The following INPP4B variants were observed in gnomAD, a reference collection of about 807,000 sequenced individuals.
INPP4B encodes the protein inositol polyphosphate 4-phosphatase type II.
A neutral mutation model predicts 122.5 loss-of-function variants in INPP4B; 55 were observed. The ratio of observed to expected loss-of-function variants is 0.45; its 90% CI spans 0.36 to 0.56. The LOEUF is 0.56. Ranked by LOEUF, INPP4B falls within the 20% of genes least tolerant of loss-of-function variation. The probability of loss-of-function intolerance (pLI) is 0.00; values close to 1 mark genes in which losing one functional copy is unlikely to be tolerated. For missense variants in INPP4B, 1,000 were observed against 1,097.7 expected (o/e 0.91, Z 1.26); for synonymous variants, 403 against 388.7 (o/e 1.04, Z -0.43).
At chr4:142,390,710 T>C (rs1797389782) in intron 7 of INPP4B, among the ~76,000 whole-genome samples, 1 of 152,226 alleles carries the variant, frequency 6.6e-6, no homozygotes, top group Non-Finnish European at 1.5e-5. Context: ...AATTCCAATA[T>C]GTCTGAGTAT....
intron 18 of INPP4B, among the ~76,000 whole-genome samples, chr4:142,141,124 A>G (rs1807577520): frequency 6.6e-6 from 1 of 152,210 alleles, no homozygotes; most frequent in Non-Finnish European, 1.5e-5. Flanking sequence ...AATGTAAAGA[A>G]AGAAAAGTAA....
At chr4:142,305,982 C>T (rs1266699694) in intron 8 of INPP4B, 1 of 927,800 alleles carries the variant, frequency 1.1e-6, no homozygotes, top group Non-Finnish European at 1.3e-6. Flanking sequence ...TTATGTGGGA[C>T]TTTGTACAAG....
intron 18 of INPP4B, among the ~76,000 whole-genome samples, chr4:142,142,215 G>A (rs1485735707): frequency 6.6e-6 from 1 of 151,930 alleles, no homozygotes; most frequent in East Asian, 1.9e-4. Context: ...GACTATTGAA[G>A]AAATACATTT....
At chr4:142,133,550 A>T (rs900702587) in intron 18 of INPP4B, among the ~76,000 whole-genome samples, 21 of 152,178 alleles carry the variant, frequency 1.4e-4, no homozygotes, top group African/African-American at 5.1e-4. Flanking sequence ...TTAATATCTA[A>T]GTCAAATCAG....
intron 1 of INPP4B, among the ~76,000 whole-genome samples, chr4:142,830,056 T>A (rs1781936437): frequency 6.6e-6 from 1 of 152,174 alleles, no homozygotes; most frequent in Admixed American, 6.5e-5. Flanking sequence ...TGAAAGACAC[T>A]GCAGAAGAGA....
intron 25 of INPP4B, among the ~76,000 whole-genome samples, chr4:142,080,305 G>A (rs1478114033): frequency 1.3e-5 from 2 of 152,072 alleles, no homozygotes; most frequent in African/African-American, 4.8e-5. Flanking sequence ...AAAATACCCA[G>A]AGGGAAATGA....
intron 7 of INPP4B, among the ~76,000 whole-genome samples, chr4:142,395,288 T>C (rs1798998357): frequency 6.6e-6 from 1 of 152,178 alleles, no homozygotes; most frequent in Admixed American, 6.5e-5. Flanking sequence ...AATGTATGGA[T>C]AGTAGCATCA....
intron 15 of INPP4B, among the ~76,000 whole-genome samples, chr4:142,188,379 C>T (rs978546300): frequency 7.4e-5 from 11 of 147,826 alleles, no homozygotes; most frequent in East Asian, 2.1e-4. Context: ...CCCAGCTACT[C>T]GGGAGGCTGA....
intron 2 of INPP4B, among the ~76,000 whole-genome samples, chr4:142,723,001 A>G (rs1277577166): frequency 6.8e-6 from 1 of 147,970 alleles, no homozygotes; most frequent in Non-Finnish European, 1.5e-5. Context: ...TTAAATCTCA[A>G]CATGTATCAC....
chr4:142,840,963 C>G (rs145839407), intron 1 of INPP4B, among the ~76,000 whole-genome samples: 131 of 152,032 alleles, frequency 8.6e-4, no homozygotes, highest in African/African-American at 3.1e-3. Context: ...AATTGCAAGT[C>G]TTGTTAATAA....
At chr4:142,438,838 C>G (rs1226385314) in intron 3 of INPP4B, among the ~76,000 whole-genome samples, 1 of 152,114 alleles carries the variant, frequency 6.6e-6, no homozygotes. Context: ...TTACAAGGAA[C>G]TTAGACAAAT....
chr4:142,693,277 G>C, intron 2 of INPP4B, among the ~76,000 whole-genome samples: 1 of 151,948 alleles, frequency 6.6e-6, no homozygotes, highest in Non-Finnish European at 1.5e-5. Flanking sequence ...TGCTTACAGT[G>C]AACAGTTATT....
chr4:142,457,719 A>G (rs1355844824), intron 3 of INPP4B, among the ~76,000 whole-genome samples: 1 of 152,148 alleles, frequency 6.6e-6, no homozygotes, highest in Non-Finnish European at 1.5e-5. Flanking sequence ...AATGCAAAAT[A>G]GTATAGTTAC....
rs1159753536 is a variant in INPP4B at position 142,427,433 on chromosome 4, G to T, written c.136+1740C>A. 6 of 644,454 alleles carry T rather than the reference G, an allele frequency of 9.3e-6. 1 individual carries two copies. Among genetic ancestry groups the T allele is most frequent in the Middle Eastern group, 2.7e-4 (1 of 3,766 alleles). The allele number at this position is 644,454 out of a possible 1,614,324, so 39.9% of individuals were successfully genotyped here. ...TTTTATACTGGTAGAACATTATTAT[G>T]AATAAATTCTTGCAGCTGCTAATCT... On this transcript the variant is annotated intron_variant, in intron 5 of 25. Coordinates refer to ENST00000262992, the MANE Select transcript of INPP4B (RefSeq NM_001101669.3).
At chr4:142,315,278 CCA>C (rs1767102641) in intron 7 of INPP4B, among the ~76,000 whole-genome samples, 1 of 152,004 alleles carries the variant, frequency 6.6e-6, no homozygotes, top group South Asian at 2.1e-4. Context: ...GAATGAGCGC[CCA>C]CACTCATGCT....
intron 15 of INPP4B, among the ~76,000 whole-genome samples, chr4:142,176,403 C>T (rs113782957): frequency 5.9e-5 from 9 of 151,974 alleles, no homozygotes; most frequent in African/African-American, 1.9e-4. Context: ...TCTGGCCTCT[C>T]ATACACTCAC....
intron 25 of INPP4B, among the ~76,000 whole-genome samples, chr4:142,065,465 T>A (rs1763043615): frequency 6.6e-6 from 1 of 152,092 alleles, no homozygotes; most frequent in South Asian, 2.1e-4. Flanking sequence ...GAATCATTCA[T>A]TAGCTGAATG....
chr4:142,524,474 C>T (rs1826569823), intron 2 of INPP4B, among the ~76,000 whole-genome samples: 1 of 151,964 alleles, frequency 6.6e-6, no homozygotes, highest in South Asian at 2.1e-4. Context: ...AGTGTCTGTT[C>T]ATGTCCTTTG....
intron 2 of INPP4B, among the ~76,000 whole-genome samples, chr4:142,627,956 C>T (rs1386185059): frequency 2.6e-5 from 4 of 151,922 alleles, no homozygotes; most frequent in Admixed American, 6.6e-5. Flanking sequence ...TTCAGAGATT[C>T]AACTTCTTCC....
Sources: allele counts gnomAD v4.1 joint callset (sites outside exome capture counted in the v4.1 genomes callset), GRCh38; gene constraint gnomAD v4.1.1; transcripts MANE v1.5; gene names NCBI Gene and HGNC (gene_info 2026-07-23, HGNC 2026-07-21).